The following SFXN5 variants were observed in gnomAD, a reference collection of about 807,000 sequenced individuals.
SFXN5 encodes the protein sideroflexin 5.
SFXN5 carries 43 observed loss-of-function variants against 50.2 expected under a neutral mutation model. The observed-to-expected ratio is 0.86, with a 90% confidence interval of 0.67 to 1.11. The LOEUF (loss-of-function observed/expected upper bound fraction) is 1.11. Ranked by LOEUF, SFXN5 falls within the 50% of genes least tolerant of loss-of-function variation. The pLI, the probability that SFXN5 is intolerant of heterozygous loss-of-function variation, is 0.00. For synonymous variants in SFXN5, 203 were observed against 185.8 expected (o/e 1.09, Z -0.75); for missense variants, 463 against 454.1 (o/e 1.02, Z -0.18).
intron 1 of SFXN5, among the ~76,000 whole-genome samples, chr2:73,068,409 C>A (rs960686899): frequency 6.6e-6 from 1 of 152,176 alleles, no homozygotes; most frequent in Non-Finnish European, 1.5e-5. Flanking sequence ...ATGTAGCCAA[C>A]CTTTGTGTCT....
At chr2:73,013,105 G>A (rs1675740934) in intron 6 of SFXN5, among the ~76,000 whole-genome samples, 1 of 152,102 alleles carries the variant, frequency 6.6e-6, no homozygotes, top group African/African-American at 2.4e-5. Flanking sequence ...TTTGACAGCT[G>A]GGATATGCAG....
intron 13 of SFXN5, among the ~76,000 whole-genome samples, chr2:72,948,595 C>T (rs568545489): frequency 9.8e-5 from 15 of 152,316 alleles, no homozygotes; most frequent in African/African-American, 2.4e-4. Context: ...TGCAGGACCA[C>T]GGCCCAGGGC....
At chr2:73,040,743 A>C in intron 3 of SFXN5, 111 bp downstream of exon 3, 1 of 787,884 alleles carries the variant, frequency 1.3e-6, no homozygotes, top group Non-Finnish European at 2.0e-6. Context: ...ATGTACCAGC[A>C]GAAGTATATG....
chr2:73,066,027 G>C lies in SFXN5; in HGVS notation c.102+5577C>G, dbSNP rs531749638. 1.5e-4 allele frequency among the ~76,000 whole-genome samples: 23 copies of C among 152,310 alleles called. No individual in the cohort carries two copies. The East Asian group carries it at 4.1e-3, about 27-fold the overall frequency. ...AAGGAAGAGGAAAGGAAGCAAAGCA[G>C]GTCTCAGAGGTTCCCTGGGTGCTGT... On this transcript the variant is annotated intron_variant, in intron 1 of 13. Coordinates refer to ENST00000272433, the MANE Select transcript of SFXN5 (RefSeq NM_144579.3).
intron 3 of SFXN5, among the ~76,000 whole-genome samples, chr2:73,032,064 C>G (rs1177393180): frequency 6.6e-6 from 1 of 152,074 alleles, no homozygotes; most frequent in Admixed American, 6.5e-5. Context: ...ATGTCAGATG[C>G]AAAAATGGCA....
chr2:73,034,537 T>C (rs954078372), intron 3 of SFXN5, among the ~76,000 whole-genome samples: 1 of 152,126 alleles, frequency 6.6e-6, no homozygotes, highest in Non-Finnish European at 1.5e-5. Flanking sequence ...CCATCCTGCA[T>C]GGGGGCTCTG....
At chr2:72,947,370 G>T (rs982140870) in intron 13 of SFXN5, among the ~76,000 whole-genome samples, 7 of 152,234 alleles carry the variant, frequency 4.6e-5, no homozygotes, top group African/African-American at 1.7e-4. Context: ...TCCAGGGACT[G>T]AGCCCGTGGG....
chr2:72,953,019 G>T lies in SFXN5; in HGVS notation c.946-7920C>A, dbSNP rs1365351809. On this transcript the variant is annotated intron_variant, in intron 13 of 13. Coordinates refer to ENST00000272433, the MANE Select transcript of SFXN5 (RefSeq NM_144579.3). This position sits in a 1 kb window ranked among gnomAD's most constrained non-coding sequence, Gnocchi z 4.1. The stretch of plus-strand genomic sequence containing the variant: ...GGAAGGTCCTGGAAAAAAGAACTGT[G>T]GGGGAAAGGCTGTCAGGCAGCCCCG... Among the ~76,000 whole-genome samples, 1 of 152,196 alleles carries T rather than the reference G, an allele frequency of 6.6e-6. No individual in the cohort carries two copies. Among genetic ancestry groups the T allele is most frequent in the East Asian group, 1.9e-4 (1 of 5,182 alleles).
intron 6 of SFXN5, among the ~76,000 whole-genome samples, chr2:73,010,448 C>T (rs1675362027): frequency 6.6e-6 from 1 of 152,184 alleles, no homozygotes. Flanking sequence ...CAATAGAAGC[C>T]AGTACTGAAA....
intron 1 of SFXN5, among the ~76,000 whole-genome samples, chr2:73,064,868 C>T (rs572773458): frequency 6.6e-6 from 1 of 152,372 alleles, no homozygotes; most frequent in East Asian, 1.9e-4. Context: ...CTCACTACAA[C>T]CTCCACTTCC....
intron 1 of SFXN5, among the ~76,000 whole-genome samples, chr2:73,063,966 C>G (rs1197586691): frequency 6.6e-6 from 1 of 152,214 alleles, no homozygotes; most frequent in Admixed American, 6.5e-5. Flanking sequence ...TGTTTTTCCT[C>G]CCCTTTTTCT....
chr2:73,050,457 G>T (rs539637263), intron 2 of SFXN5, among the ~76,000 whole-genome samples: 2 of 149,224 alleles, frequency 1.3e-5, no homozygotes, highest in African/African-American at 5.0e-5. Context: ...TGCTGCCAAG[G>T]CTTACGCTTG....
chr2:72,984,209 G>A (rs1298841892), intron 10 of SFXN5, among the ~76,000 whole-genome samples: 4 of 152,192 alleles, frequency 2.6e-5, no homozygotes, highest in Admixed American at 6.5e-5. Context: ...TCTCCCACAC[G>A]ATTGCTGTTC....
At chr2:72,994,481 A>G (rs1203060413) in intron 9 of SFXN5, among the ~76,000 whole-genome samples, 1 of 152,126 alleles carries the variant, frequency 6.6e-6, no homozygotes, top group Admixed American at 6.5e-5. Context: ...GGAGCTCAGC[A>G]TTGCCCCAAC....
In SFXN5 at chr2:72,960,896, G is replaced by A. The variant is rs556120466; in HGVS notation, c.945+235C>T. 1.1e-4 allele frequency among the ~76,000 whole-genome samples: 16 copies of A among 152,214 alleles called. No homozygotes were observed. The highest frequency in any genetic ancestry group is 3.4e-4 in the African/African-American group (14 of 41,534). On this transcript the variant is annotated intron_variant, in intron 13 of 13. Transcript: ENST00000272433. This position sits in a 1 kb window ranked among gnomAD's most constrained non-coding sequence, Gnocchi z 6.1. Reference sequence around the variant, plus strand: ...GGTCTGCTGTCTCCTTCCACACCCAGTGGAGCTTCTCCCACCCTAACGCTC... The same window carrying A: ...GGTCTGCTGTCTCCTTCCACACCCAATGGAGCTTCTCCCACCCTAACGCTC...
At chr2:73,041,685 C>T (rs186618526) in intron 2 of SFXN5, 83 of 385,002 alleles carry the variant, frequency 2.2e-4, no homozygotes, top group Non-Finnish European at 3.5e-4. Context: ...AAATAGAAAG[C>T]CTTTATAAGG....
intron 11 of SFXN5, among the ~76,000 whole-genome samples, chr2:72,970,179 G>C (rs552935506): frequency 6.6e-6 from 1 of 152,322 alleles, no homozygotes; most frequent in Admixed American, 6.5e-5. Flanking sequence ...GGCTGGAATG[G>C]GAGGTTGGGG....
In SFXN5 at chr2:72,950,828, G is replaced by C. The variant is rs1672451618; in HGVS notation, c.946-5729C>G. Among the ~76,000 whole-genome samples, 1 of 152,260 alleles carries C rather than the reference G, an allele frequency of 6.6e-6. No individual in the cohort carries two copies. The highest frequency in any genetic ancestry group is 1.5e-5 in the Non-Finnish European group (1 of 68,048). On this transcript the variant is annotated intron_variant, in intron 13 of 13. Transcript: ENST00000272433. The surrounding 1 kb of genome is among the most constrained non-coding windows in gnomAD (Gnocchi z 4.2). ...GAGCCCCAGGGCAGTGGGTCGAGGG[G>C]CAGGGACTTGGCTGTGACCACAGAC...
At chr2:72,993,028 G>A (rs1241850032) in intron 9 of SFXN5, among the ~76,000 whole-genome samples, 2 of 152,216 alleles carry the variant, frequency 1.3e-5, no homozygotes, top group African/African-American at 2.4e-5. Context: ...TCAGAAGCAT[G>A]AAATACCAGG....
Sources: gnomAD v4.1 joint callset for allele counts (sites outside exome capture counted in the v4.1 genomes callset) on GRCh38, gnomAD v4.1.1 for gene constraint, Gnocchi (gnomAD v3.1) non-coding constraint, MANE v1.5 for transcripts, NCBI Gene and HGNC (gene_info 2026-07-23, HGNC 2026-07-21) for gene names.